The following SHANK2 variants were observed in gnomAD, a reference collection of about 807,000 sequenced individuals.
SHANK2 encodes the protein SH3 and multiple ankyrin repeat domains protein 2.
SHANK2 carries 43 observed loss-of-function variants against 133.7 expected under a neutral mutation model. The observed-to-expected ratio is 0.32, with a 90% CI of 0.25 to 0.41. The LOEUF (loss-of-function observed/expected upper bound fraction) is 0.41, where lower values mean the gene tolerates loss of function less well. Among genes scored for constraint, SHANK2 ranks in the 10% least tolerant of loss-of-function variants. The probability of loss-of-function intolerance (pLI) is 1.00; values close to 1 mark genes in which losing one functional copy is unlikely to be tolerated. For synonymous variants in SHANK2, 1,017 were observed against 952.8 expected (o/e 1.07, Z -1.24); for missense variants, 1,994 against 2,235.8 (o/e 0.89, Z 2.18).
At chr11:70,620,991 T>C (rs1554997594) in intron 17 of SHANK2, among the ~76,000 whole-genome samples, 1 of 152,200 alleles carries the variant, frequency 6.6e-6, no homozygotes, top group East Asian at 1.9e-4. Context: ...CGGTATGACG[T>C]AATATCTGTG....
chr11:70,658,238 C>G (rs1487142693), intron 17 of SHANK2, among the ~76,000 whole-genome samples: 1 of 74,930 alleles, frequency 1.3e-5, no homozygotes, highest in Admixed American at 1.5e-4. Context: ...CACACACACA[C>G]ACACACAGAC....
At position 70,524,906 on chromosome 11, in the gene SHANK2, G is replaced by A. The variant is rs558055567; in HGVS notation, c.2062-21975C>T. Among the ~76,000 whole-genome samples the A allele has an allele frequency of 5.3e-5, 8 of 152,348 alleles. No homozygotes were observed. In the South Asian group the frequency reaches 1.2e-3, roughly 24 times the overall value. Reference sequence around the variant, plus strand: ...TACATGCTCACACGCACACAGGCACGAGGCTTGGCAGGTCTTTGTGGAGTG... The same window carrying A: ...TACATGCTCACACGCACACAGGCACAAGGCTTGGCAGGTCTTTGTGGAGTG... On this transcript the variant is annotated intron_variant, in intron 17 of 25. Coordinates refer to ENST00000601538, the MANE Select transcript of SHANK2 (RefSeq NM_012309.5).
intron 11 of SHANK2, among the ~76,000 whole-genome samples, chr11:70,876,588 TACACACACACACAC>T (rs3064230): frequency 7.4e-6 from 1 of 135,360 alleles, no homozygotes; most frequent in African/African-American, 2.7e-5. Context: ...AAAAAAATTA[TACACACACACACAC>T]ACACACACGC....
intron 10 of SHANK2, among the ~76,000 whole-genome samples, chr11:70,916,375 C>A (rs1276859944): frequency 6.6e-6 from 1 of 152,130 alleles, no homozygotes; most frequent in African/African-American, 2.4e-5. Context: ...CTCGCCAACC[C>A]GGCTGGCCAT....
chr11:70,939,708 A>G (rs1950618623), intron 10 of SHANK2, among the ~76,000 whole-genome samples: 1 of 152,026 alleles, frequency 6.6e-6, no homozygotes, highest in Non-Finnish European at 1.5e-5. Flanking sequence ...GGACCAAGAA[A>G]GGCCCCGTCC....
intron 10 of SHANK2, among the ~76,000 whole-genome samples, chr11:70,933,576 G>A (rs1185673602): frequency 4.6e-5 from 7 of 152,168 alleles, no homozygotes; most frequent in African/African-American, 1.7e-4. Context: ...TTGAAAACCA[G>A]GAAGATCTGA....
intron 17 of SHANK2, among the ~76,000 whole-genome samples, chr11:70,641,760 TC>T (rs1347503788): frequency 2.0e-5 from 3 of 152,170 alleles, no homozygotes; most frequent in African/African-American, 7.2e-5. Flanking sequence ...CAGCCAGTTT[TC>T]AGTATGTGGC....
Position 70,473,740 on chromosome 11 carries a change from A to G in SHANK2, c.4980-301T>C, listed in dbSNP as rs2058627542. 2.4e-6 allele frequency: 1 copy of G among 424,542 alleles called. No individual in the cohort carries two copies. The highest frequency in any genetic ancestry group is 3.3e-5 in the Admixed American group (1 of 30,712). The allele number at this position is 424,542 out of a possible 1,614,324, so 26.3% of individuals were successfully genotyped here. ...ACACCACGTCAGCCCACTCACCTGA[A>G]CTGGGACAGAGGGGCTGGGGGACCT... On this transcript the variant is annotated intron_variant, in intron 25 of 25. Coordinates refer to ENST00000601538, the MANE Select transcript of SHANK2 (RefSeq NM_012309.5). This position sits in a 1 kb window ranked among gnomAD's most constrained non-coding sequence, Gnocchi z 5.9.
At chr11:70,527,531 GGCAGT>G (rs2059414207) in intron 17 of SHANK2, among the ~76,000 whole-genome samples, 2 of 152,198 alleles carry the variant, frequency 1.3e-5, no homozygotes, top group African/African-American at 4.8e-5. Context: ...CACTCAGAAG[GGCAGT>G]TGCTATAAAT....
At chr11:71,114,466 G>A (rs1276380790) in intron 4 of SHANK2, among the ~76,000 whole-genome samples, 1 of 152,130 alleles carries the variant, frequency 6.6e-6, no homozygotes, top group African/African-American at 2.4e-5. Context: ...TCTCCACCAC[G>A]CCAAACAAAA....
At chr11:70,669,793 T>C (rs1555015606) in intron 15 of SHANK2, 1 of 152,232 alleles carries the variant, frequency 6.6e-6, no homozygotes, top group East Asian at 1.9e-4. Context: ...CTTCATTGCG[T>C]GTAGAACCAC....
chr11:70,946,493 G>A (rs1338703376), intron 10 of SHANK2, among the ~76,000 whole-genome samples: 1 of 87,702 alleles, frequency 1.1e-5, no homozygotes, highest in African/African-American at 4.7e-5. Context: ...CAGCCTCCCT[G>A]TCCACTAACC....
At chr11:70,566,736 G>T (rs1479183225) in intron 17 of SHANK2, 3 of 152,200 alleles carry the variant, frequency 2.0e-5, no homozygotes, top group African/African-American at 7.2e-5. Context: ...GGCTTGCACA[G>T]ATACTACCAG....
chr11:70,897,105 T>C (rs1555075848), intron 10 of SHANK2, among the ~76,000 whole-genome samples: 2 of 152,202 alleles, frequency 1.3e-5, no homozygotes, highest in African/African-American at 4.8e-5. Context: ...AACCATCACC[T>C]ACAGGAAATT....
intron 17 of SHANK2, among the ~76,000 whole-genome samples, chr11:70,564,987 T>C (rs782659939): frequency 2.6e-5 from 4 of 152,244 alleles, no homozygotes; most frequent in Non-Finnish European, 4.4e-5. Flanking sequence ...TTAATGATTC[T>C]TTTAATATCC....
chr11:70,885,234 G>T (rs1949720915), intron 11 of SHANK2, among the ~76,000 whole-genome samples: 1 of 152,040 alleles, frequency 6.6e-6, no homozygotes, highest in Admixed American at 6.5e-5. Context: ...GGTCAGGCTA[G>T]GGCACAGTGG....
intron 17 of SHANK2, among the ~76,000 whole-genome samples, chr11:70,549,494 T>A (rs1393335641): frequency 1.3e-5 from 2 of 152,218 alleles, no homozygotes; most frequent in African/African-American, 2.4e-5. Context: ...TAGGACGGCC[T>A]CATGACATTT....
intron 2 of SHANK2, among the ~76,000 whole-genome samples, chr11:71,215,399 C>T (rs1031009139): frequency 3.3e-5 from 5 of 152,230 alleles, no homozygotes; most frequent in Non-Finnish European, 7.3e-5. Context: ...ATGAAGCCTT[C>T]AGCAGGTTCT....
rs370326228 is a variant in SHANK2, at chr11:71,116,161, T to TG, written c.411+2667dup. 2.4e-4 allele frequency among the ~76,000 whole-genome samples: 37 copies of TG among 152,292 alleles called. 1 individual carries two copies. The highest frequency in any genetic ancestry group is 8.9e-4 in the African/African-American group (37 of 41,552). ...GACGCGGCATCACCTTAGCCCTGGG[T>TG]GGGCGTCCATGACATCTTGGGCTTC... On this transcript the variant is annotated intron_variant, in intron 4 of 25. Coordinates refer to ENST00000601538, the MANE Select transcript of SHANK2 (RefSeq NM_012309.5).
Sources: gnomAD v4.1 joint callset for allele counts (sites outside exome capture counted in the v4.1 genomes callset) on GRCh38, gnomAD v4.1.1 for gene constraint, Gnocchi (gnomAD v3.1) non-coding constraint, MANE v1.5 for transcripts, NCBI Gene and HGNC (gene_info 2026-07-23, HGNC 2026-07-21) for gene names.